Variants in RBPJ observed in about 807,000 individuals in gnomAD.
RBPJ encodes the protein recombination signal binding protein for immunoglobulin kappa J region, also known as recombining binding protein suppressor of hairless.
In RBPJ, 9 loss-of-function variants were observed where a neutral mutation model predicts 67.8. The observed-to-expected ratio is 0.13, with a 90% CI of 0.08 to 0.23. The LOEUF (loss-of-function observed/expected upper bound fraction) is 0.23. RBPJ is among the 10% of genes least tolerant of loss of function. RBPJ has a pLI of 1.00. For synonymous variants in RBPJ, 198 were observed against 203.3 expected (o/e 0.97, Z 0.22); for missense variants, 305 against 595.6 (o/e 0.51, Z 5.08).
chr4:26,192,067 G>A (rs9999492), intron 1 of RBPJ, among the ~76,000 whole-genome samples: 216 of 147,962 alleles, frequency 1.5e-3, no homozygotes, highest in African/African-American at 5.3e-3. Flanking sequence ...GGAGTGCTGT[G>A]GCACAATCTC....
At chr4:26,136,857 A>T in the RBPJ span, among the ~76,000 whole-genome samples, 1 of 152,182 alleles carries the variant, frequency 6.6e-6, no homozygotes, top group East Asian at 1.9e-4. Flanking sequence ...TGCCTGTCTC[A>T]TAGATGAGAA....
intron 1 of RBPJ, among the ~76,000 whole-genome samples, chr4:26,228,524 AT>A (rs1719157927): frequency 1.3e-5 from 2 of 151,912 alleles, no homozygotes; most frequent in Admixed American, 1.3e-4. Context: ...TTCATTCTAC[AT>A]TTTTCAAGGT....
At chr4:26,373,023 C>T (rs183763582) in intron 1 of RBPJ, among the ~76,000 whole-genome samples, 153 of 152,222 alleles carry the variant, frequency 1.0e-3, no homozygotes, top group African/African-American at 3.4e-3. Context: ...TGGTTAAGAC[C>T]GCTTCTTCAA....
intron 1 of RBPJ, among the ~76,000 whole-genome samples, chr4:26,381,930 G>A (rs1232663590): frequency 6.6e-6 from 1 of 152,042 alleles, no homozygotes. Flanking sequence ...GATATTGACA[G>A]TCTATACTTA....
chr4:26,406,075 AAT>A, intron 2 of RBPJ, 98 bp from the exon 3 acceptor site: 1 of 699,962 alleles, frequency 1.4e-6, no homozygotes, highest in South Asian at 2.3e-5. Flanking sequence ...TTATTTAAAA[AAT>A]ATTTATAAGC....
upstream of RBPJ, among the ~76,000 whole-genome samples, chr4:26,318,756 T>C (rs1315350196): frequency 1.3e-5 from 2 of 151,708 alleles, no homozygotes; most frequent in Non-Finnish European, 2.9e-5. Flanking sequence ...CCCAGCACTT[T>C]GGGAGGCCGA....
intron 1 of RBPJ, among the ~76,000 whole-genome samples, chr4:26,260,355 A>T (rs1720485731): frequency 6.6e-6 from 1 of 152,234 alleles, no homozygotes; most frequent in Non-Finnish European, 1.5e-5. Context: ...ATAAAGGGTC[A>T]CTACTAACTA....
intron 1 of RBPJ, among the ~76,000 whole-genome samples, chr4:26,169,548 C>G (rs1167050998): frequency 6.6e-6 from 1 of 152,222 alleles, no homozygotes; most frequent in African/African-American, 2.4e-5. Context: ...AGGAGGCAGT[C>G]TGCCCATTCT....
chr4:26,219,991 G>C (rs551079101), intron 1 of RBPJ, among the ~76,000 whole-genome samples: 1 of 151,472 alleles, frequency 6.6e-6, no homozygotes, highest in African/African-American at 2.4e-5. Context: ...CACTATGTTA[G>C]CCAGGATGGT....
At chr4:26,215,235 GAA>G (rs1718654895) in intron 1 of RBPJ, among the ~76,000 whole-genome samples, 1 of 16,670 alleles carries the variant, frequency 6.0e-5, no homozygotes, top group Non-Finnish European at 9.6e-5. Context: ...AGAAAAGAGA[GAA>G]AGAAAGAAAG....
chr4:26,180,821 A>T (rs1033216322), intron 1 of RBPJ, among the ~76,000 whole-genome samples: 2 of 152,242 alleles, frequency 1.3e-5, no homozygotes, highest in Non-Finnish European at 2.9e-5. Flanking sequence ...TGTGTTCACA[A>T]ATAGCAGTAA....
chr4:26,280,758 C>A lies in RBPJ; in HGVS notation c.-166-81688C>A, dbSNP rs185858923. ...ACCACAACATAAAAAAAATTTAAAGCAAATACAGCTGCATTAAAATGTACT... is the reference window on the plus strand; with the variant it reads ...ACCACAACATAAAAAAAATTTAAAGAAAATACAGCTGCATTAAAATGTACT... On this transcript the variant is annotated intron_variant, in intron 1 of 4. Transcript: ENST00000512351. Among the ~76,000 whole-genome samples, 264 of 152,124 alleles carry A rather than the reference C, an allele frequency of 1.7e-3. 4 individuals carry two copies. The highest frequency in any genetic ancestry group is 6.2e-3 in the African/African-American group (259 of 41,506).
intron 1 of RBPJ, among the ~76,000 whole-genome samples, chr4:26,171,485 T>G (rs1203541247): frequency 6.6e-6 from 1 of 152,178 alleles, no homozygotes; most frequent in Non-Finnish European, 1.5e-5. Context: ...GGAGAATCTT[T>G]TGAGCCCCAA....
chr4:26,375,563 C>T (rs1270161664), intron 1 of RBPJ, among the ~76,000 whole-genome samples: 1 of 152,180 alleles, frequency 6.6e-6, no homozygotes, highest in East Asian at 1.9e-4. Context: ...TCCTCTTCAT[C>T]TCAGTTTTAG....
intron 1 of RBPJ, among the ~76,000 whole-genome samples, chr4:26,249,229 C>T (rs1025793574): frequency 1.3e-5 from 2 of 152,088 alleles, no homozygotes; most frequent in African/African-American, 4.8e-5. Flanking sequence ...TGAATTATAA[C>T]GTGCATACAG....
At chr4:26,215,541 T>C (rs939936051) in intron 1 of RBPJ, among the ~76,000 whole-genome samples, 2 of 152,136 alleles carry the variant, frequency 1.3e-5, no homozygotes, top group Admixed American at 1.3e-4. Flanking sequence ...CTAAGCTATA[T>C]TTGCTAAACG....
At position 26,264,503 on chromosome 4, in the gene RBPJ, T is replaced by C. The variant is rs1167729739; in HGVS notation, c.-166-97943T>C. On this transcript the variant is annotated intron_variant, in intron 1 of 4. Coordinates refer to the RBPJ transcript ENST00000512351. The surrounding 1 kb of genome is among the most constrained non-coding windows in gnomAD (Gnocchi z 4.1). ...TCTTTAAAATGGAGTTTCTTTCAAA[T>C]TCTTCAATGGTCCTTTGTTGCCCTC... is the stretch of plus-strand genomic sequence containing the variant. Among the ~76,000 whole-genome samples, 1 of 152,162 alleles carries C rather than the reference T, an allele frequency of 6.6e-6. No individual in the cohort carries two copies. The highest frequency in any genetic ancestry group is 2.4e-5 in the African/African-American group (1 of 41,434).
At chr4:26,121,996 C>G in the RBPJ span, among the ~76,000 whole-genome samples, 1 of 151,230 alleles carries the variant, frequency 6.6e-6, no homozygotes, top group Non-Finnish European at 1.5e-5. Context: ...CTTCACCTAG[C>G]CATTCAAATG....
At chr4:26,221,234 GCGCCCGCCACCA>G (rs1458297629) in intron 1 of RBPJ, among the ~76,000 whole-genome samples, 1 of 152,250 alleles carries the variant, frequency 6.6e-6, no homozygotes, top group East Asian at 1.9e-4. Flanking sequence ...GGGACTACAG[GCGCCCGCCACCA>G]CGCCCGGCTA....
Sources: allele counts gnomAD v4.1 joint callset (sites outside exome capture counted in the v4.1 genomes callset), GRCh38; gene constraint gnomAD v4.1.1; non-coding constraint Gnocchi (gnomAD v3.1); transcripts MANE v1.5; gene names NCBI Gene and HGNC (gene_info 2026-07-23, HGNC 2026-07-21).